The following HHIPL2 variants were observed in gnomAD, a reference collection of about 807,000 sequenced individuals.
The protein encoded by HHIPL2 is HHIP-like protein 2.
HHIPL2 carries 61 observed loss-of-function variants against 61.0 expected under a neutral mutation model. That is an observed-to-expected ratio of 1.00 (90% CI 0.81 to 1.24). HHIPL2 has a LOEUF of 1.24. Ranked by LOEUF, HHIPL2 falls within the 50% of genes most tolerant of loss-of-function variation. The pLI is 0.00. For missense variants in HHIPL2, 885 were observed against 910.2 expected, an observed-to-expected ratio of 0.97 and a Z score of 0.36; for synonymous variants, 343 against 357.4, an observed-to-expected ratio of 0.96 and a Z score of 0.45.
chr1:222,543,283 G>A (rs1558132449), intron 2 of HHIPL2, among the ~76,000 whole-genome samples: 2 of 152,116 alleles, frequency 1.3e-5, no homozygotes, highest in Non-Finnish European at 2.9e-5. Context: ...TATGGCTGCT[G>A]GTCCTTACTT....
intron 6 of HHIPL2, among the ~76,000 whole-genome samples, chr1:222,531,412 G>A (rs947910748): frequency 1.3e-5 from 2 of 152,186 alleles, no homozygotes; most frequent in Non-Finnish European, 2.9e-5. Context: ...GAGTAAGTTG[G>A]CATATTCAGT....
intron 6 of HHIPL2, among the ~76,000 whole-genome samples, 196 bp downstream of exon 6, chr1:222,531,770 T>C (rs543914875): frequency 5.3e-5 from 8 of 152,190 alleles, no homozygotes; most frequent in African/African-American, 1.9e-4. Context: ...AATTATATCG[T>C]GGGGGTGTTA....
intron 5 of HHIPL2, among the ~76,000 whole-genome samples, chr1:222,535,925 T>C (rs1021337434): frequency 2.6e-5 from 4 of 152,026 alleles, no homozygotes; most frequent in Admixed American, 1.3e-4. Flanking sequence ...AATCAAAAGG[T>C]AAATTAGAAA....
At chr1:222,547,262 C>T (rs1475473424) in intron 1 of HHIPL2, among the ~76,000 whole-genome samples, 6 of 152,134 alleles carry the variant, frequency 3.9e-5, no homozygotes, top group Admixed American at 2.0e-4. Flanking sequence ...CAGGGTGACG[C>T]CAGAGATGCC....
chr1:222,537,303 C>G (rs934174137), intron 5 of HHIPL2, among the ~76,000 whole-genome samples: 2 of 151,414 alleles, frequency 1.3e-5, no homozygotes, highest in African/African-American at 2.4e-5. Flanking sequence ...AAATCACCTA[C>G]AGCTGACATC....
At chr1:222,533,240 C>T (rs571032189) in intron 5 of HHIPL2, among the ~76,000 whole-genome samples, 1 of 152,040 alleles carries the variant, frequency 6.6e-6, no homozygotes, top group South Asian at 2.1e-4. Flanking sequence ...TGTTGTGTGC[C>T]TGTAGTTCCA....
intron 7 of HHIPL2, among the ~76,000 whole-genome samples, chr1:222,526,009 A>C (rs1276425029): frequency 1.3e-5 from 2 of 151,996 alleles, no homozygotes; most frequent in African/African-American, 4.8e-5. Context: ...TTAAATAAAA[A>C]ATAAAAAATA....
intron 6 of HHIPL2, among the ~76,000 whole-genome samples, chr1:222,530,128 G>A (rs780612949): frequency 2.6e-5 from 4 of 152,080 alleles, no homozygotes; most frequent in Non-Finnish European, 5.9e-5. Context: ...ATTCAGCCAA[G>A]GACTGTGTTT....
chr1:222,534,593 A>AG (rs1558128889), intron 5 of HHIPL2, among the ~76,000 whole-genome samples: 1 of 148,344 alleles, frequency 6.7e-6, no homozygotes, highest in East Asian at 2.0e-4. Context: ...AAAAAAAAAA[A>AG]AAAAATTACA....
rs768825443 is a variant in HHIPL2, at chr1:222,532,078, G to GT, written c.1610dup (p.Asn537LysfsTer27). 3 of 1,613,686 alleles carry GT rather than the reference G, an allele frequency of 1.9e-6. No individual in the cohort carries two copies. Among genetic ancestry groups the GT allele is most frequent in the African/African-American group, 2.7e-5 (2 of 75,026 alleles). Reference sequence around the variant, plus strand: ...AAAGATCCTGCTTCTTCCATTTCTTGTTTTTTCTATCTTCCTGCAAAGCCA... The same window carrying GT: ...AAAGATCCTGCTTCTTCCATTTCTTGTTTTTTTCTATCTTCCTGCAAAGCCA... On this transcript the variant is annotated frameshift_variant, in exon 6 of 9. Transcript: ENST00000343410. LOFTEE classifies it high-confidence loss of function.
In HHIPL2 at chr1:222,547,810, C is replaced by A. The variant is rs775790681; in HGVS notation, c.235G>T (p.Ala79Ser). ...TCCATGATGTCCCAGTACCGGGCAG[C>A]GATGCGGCGGTCCTTGTGCTGATCA... is the stretch of plus-strand genomic sequence containing the variant. ...CCDQHKDRRI[A>S]ARYWDIMEYF... The change falls in exon 1 of 9, where the codon GCT becomes TCT. Residue 79 changes from alanine to serine, a missense_variant. Transcript: ENST00000343410. 1 of 1,614,176 alleles carries A rather than the reference C, an allele frequency of 6.2e-7. No homozygotes were observed. The highest frequency in any genetic ancestry group is 1.7e-5 in the Admixed American group (1 of 60,014).
chr1:222,541,313 C>A (rs1571775747), intron 3 of HHIPL2, among the ~76,000 whole-genome samples: 2 of 152,182 alleles, frequency 1.3e-5, no homozygotes, highest in Admixed American at 1.3e-4. Flanking sequence ...GGCAAGACAG[C>A]ATCACTGGGC....
chr1:222,529,507 T>G (rs1164831667), intron 6 of HHIPL2, among the ~76,000 whole-genome samples: 1 of 152,224 alleles, frequency 6.6e-6, no homozygotes, highest in African/African-American at 2.4e-5. Context: ...GTAAATTACA[T>G]GTCTTCCACA....
At chr1:222,543,391 G>A in intron 2 of HHIPL2, 146 bp downstream of exon 2, 1 of 787,198 alleles carries the variant, frequency 1.3e-6, no homozygotes, top group African/African-American at 1.7e-5. Flanking sequence ...GGCTAACTTG[G>A]GCCGTTCTCA....
At chr1:222,542,262 C>T (rs1036796674) in intron 2 of HHIPL2, 107 bp from the exon 3 acceptor site, 3 of 1,248,738 alleles carry the variant, frequency 2.4e-6, no homozygotes, top group Non-Finnish European at 3.3e-6. Context: ...ATTTGCCAAG[C>T]CAGCCAAGAC....
At chr1:222,524,327 GT>G (rs1458146296) in intron 7 of HHIPL2, 1 of 152,266 alleles carries the variant, frequency 6.6e-6, no homozygotes, top group African/African-American at 2.4e-5. Flanking sequence ...TTCCCAGCCT[GT>G]CCCCATTGCT....
chr1:222,527,689 C>G (rs1659099011), intron 6 of HHIPL2, among the ~76,000 whole-genome samples: 1 of 152,132 alleles, frequency 6.6e-6, no homozygotes, highest in African/African-American at 2.4e-5. Context: ...TCCCATAATT[C>G]CCACATGTTG....
chr1:222,531,920 C>A, intron 6 of HHIPL2, 46 bp downstream of exon 6: 1 of 1,539,714 alleles, frequency 6.5e-7, no homozygotes, highest in Non-Finnish European at 8.8e-7. Flanking sequence ...CTGTGATTAT[C>A]CGAGTTCTAG....
chr1:222,528,110 GTTAT>G (rs1659108140), intron 6 of HHIPL2, among the ~76,000 whole-genome samples: 1 of 152,150 alleles, frequency 6.6e-6, no homozygotes, highest in South Asian at 2.1e-4. Context: ...TTGCTTTCTA[GTTAT>G]TTGTGAGGGA....
Sources: allele counts gnomAD v4.1 joint callset (sites outside exome capture counted in the v4.1 genomes callset), GRCh38; gene constraint gnomAD v4.1.1; transcripts MANE v1.5; gene names NCBI Gene and HGNC (gene_info 2026-07-23, HGNC 2026-07-21).